Variants in PAG1 observed in about 807,000 individuals in gnomAD.
The protein encoded by PAG1 is phosphoprotein membrane anchor with glycosphingolipid microdomains 1.
In PAG1, 23 loss-of-function variants were observed where a neutral mutation model predicts 31.7. That is an observed-to-expected ratio of 0.73 (90% CI 0.52 to 1.03). The LOEUF (loss-of-function observed/expected upper bound fraction) is 1.03, where lower values mean the gene tolerates loss of function less well. Ranked by LOEUF, PAG1 falls within the 50% of genes least tolerant of loss-of-function variation. PAG1 has a pLI of 0.00. For missense variants in PAG1, 473 were observed against 540.7 expected (o/e 0.87, Z 1.24); for synonymous variants, 214 against 210.3 (o/e 1.02, Z -0.15).
intron 2 of PAG1, among the ~76,000 whole-genome samples, chr8:81,069,246 A>G (rs1809056352): frequency 6.6e-6 from 1 of 152,242 alleles, no homozygotes; most frequent in Non-Finnish European, 1.5e-5. Context: ...AGTTGAAGCA[A>G]AGATTTAATT....
intron 3 of PAG1, among the ~76,000 whole-genome samples, chr8:81,019,169 G>C (rs1808120241): frequency 6.6e-6 from 1 of 152,188 alleles, no homozygotes; most frequent in Non-Finnish European, 1.5e-5. Flanking sequence ...TCTGGTTGAA[G>C]AAATTTCTAA....
intron 3 of PAG1, among the ~76,000 whole-genome samples, chr8:81,003,275 G>A (rs376067440): frequency 2.0e-5 from 3 of 152,316 alleles, no homozygotes; most frequent in African/African-American, 7.2e-5. Flanking sequence ...TGGCAAGTCT[G>A]GAGCGGGGCT....
intron 3 of PAG1, among the ~76,000 whole-genome samples, chr8:81,011,210 T>C (rs889928801): frequency 6.6e-6 from 1 of 152,206 alleles, no homozygotes; most frequent in Non-Finnish European, 1.5e-5. Flanking sequence ...GGCACTGATA[T>C]GGTTTGGCTG....
intron 3 of PAG1, among the ~76,000 whole-genome samples, chr8:81,003,134 G>A (rs993839814): frequency 4.6e-5 from 7 of 152,184 alleles, no homozygotes; most frequent in Admixed American, 1.3e-4. Flanking sequence ...GGGGGTGGCG[G>A]GGCCCGGCAA....
At chr8:81,040,348 T>C (rs1025150109) in intron 2 of PAG1, among the ~76,000 whole-genome samples, 1 of 152,148 alleles carries the variant, frequency 6.6e-6, no homozygotes, top group Admixed American at 6.5e-5. Flanking sequence ...GCCACAAACA[T>C]AACCCAGGCC....
At chr8:81,001,534 C>T (rs542504254) in intron 3 of PAG1, among the ~76,000 whole-genome samples, 29 of 152,238 alleles carry the variant, frequency 1.9e-4, no homozygotes, top group Middle Eastern at 3.4e-3. Context: ...TGCATATAAT[C>T]CATTACTGTG....
At chr8:81,013,385 G>T (rs1808017590) in intron 3 of PAG1, among the ~76,000 whole-genome samples, 1 of 152,096 alleles carries the variant, frequency 6.6e-6, no homozygotes, top group South Asian at 2.1e-4. Flanking sequence ...TCTCTGCCTG[G>T]GTGTCCCCCA....
chr8:81,093,904 G>A (rs980882355), intron 1 of PAG1, among the ~76,000 whole-genome samples: 1 of 152,316 alleles, frequency 6.6e-6, no homozygotes, highest in African/African-American at 2.4e-5. Flanking sequence ...GGTCAATTCT[G>A]CAGGACGTAA....
chr8:81,011,855 G>A lies in PAG1; in HGVS notation c.-81+18141C>T, dbSNP rs61379534. Among the ~76,000 whole-genome samples, 1,013 of 152,284 alleles carry A rather than the reference G, an allele frequency of 6.7e-3. 10 individuals carry two copies. The highest frequency in any genetic ancestry group is 0.023 in the African/African-American group (948 of 41,564). ...ACCTCTGGCTGGCTCCAAGCTTCTG[G>A]TAGAGAGGGCTTCTCCATTTGCACA... On this transcript the variant is annotated intron_variant, in intron 3 of 8. Transcript: ENST00000220597.
intron 3 of PAG1, among the ~76,000 whole-genome samples, chr8:81,028,249 T>C (rs1259786597): frequency 6.6e-6 from 1 of 152,238 alleles, no homozygotes; most frequent in African/African-American, 2.4e-5. Flanking sequence ...GCTTTGAGCC[T>C]TTGCTTTTAC....
At chr8:81,099,582 T>C (rs1809579260) in intron 1 of PAG1, among the ~76,000 whole-genome samples, 1 of 152,178 alleles carries the variant, frequency 6.6e-6, no homozygotes, top group Non-Finnish European at 1.5e-5. Context: ...AGATAGAAAC[T>C]ACATTTTTAT....
Position 81,015,920 on chromosome 8 carries a change from G to A in PAG1, c.-81+14076C>T, listed in dbSNP as rs116582949. ...CTCATGGAGCTCATTGGAAGCAATG[G>A]TGTGTCAATGTTGAACCCAGCCCAC... On this transcript the variant is annotated intron_variant, in intron 3 of 8. Coordinates refer to ENST00000220597, the MANE Select transcript of PAG1 (RefSeq NM_018440.4). 6.4e-3 allele frequency among the ~76,000 whole-genome samples: 977 copies of A among 152,276 alleles called. 5 individuals are homozygous for A. Among genetic ancestry groups the A allele is most frequent in the African/African-American group, 0.023 (935 of 41,552 alleles).
intron 1 of PAG1, among the ~76,000 whole-genome samples, chr8:81,079,317 C>G (rs1809228298): frequency 6.6e-6 from 1 of 152,246 alleles, no homozygotes; most frequent in Non-Finnish European, 1.5e-5. Context: ...CAGTCATCTA[C>G]TCCTCGACTG....
At chr8:81,004,267 T>C (rs1454214095) in intron 3 of PAG1, among the ~76,000 whole-genome samples, 2 of 152,216 alleles carry the variant, frequency 1.3e-5, no homozygotes, top group African/African-American at 4.8e-5. Flanking sequence ...AATGGATCCA[T>C]TTAATTTCTA....
At chr8:81,097,796 C>T (rs1426478621) in intron 1 of PAG1, among the ~76,000 whole-genome samples, 3 of 152,060 alleles carry the variant, frequency 2.0e-5, no homozygotes, top group Non-Finnish European at 4.4e-5. Flanking sequence ...TCCAGAATTA[C>T]CACCTCACTC....
intron 2 of PAG1, among the ~76,000 whole-genome samples, chr8:81,047,665 C>T (rs1808663807): frequency 6.6e-6 from 1 of 152,200 alleles, no homozygotes; most frequent in South Asian, 2.1e-4. Flanking sequence ...TAAAAACTAT[C>T]TCAGAGCTAA....
At chr8:81,097,042 C>T (rs747757572) in intron 1 of PAG1, among the ~76,000 whole-genome samples, 43 of 152,220 alleles carry the variant, frequency 2.8e-4, no homozygotes, top group Non-Finnish European at 5.3e-4. Flanking sequence ...ACCCCTTCCA[C>T]AATTGCTCTC....
At chr8:80,987,845 T>C (rs1372803692) in intron 5 of PAG1, among the ~76,000 whole-genome samples, 2 of 152,248 alleles carry the variant, frequency 1.3e-5, no homozygotes, top group Admixed American at 1.3e-4. Flanking sequence ...TCTCACCTAT[T>C]TTTGGATTGT....
intron 2 of PAG1, among the ~76,000 whole-genome samples, chr8:81,045,151 A>G (rs1231823782): frequency 6.6e-6 from 1 of 152,184 alleles, no homozygotes; most frequent in Admixed American, 6.5e-5. Context: ...TATAACAACT[A>G]TAAGAAATGT....
Sources: gnomAD v4.1 joint callset for allele counts (sites outside exome capture counted in the v4.1 genomes callset) on GRCh38, gnomAD v4.1.1 for gene constraint, MANE v1.5 for transcripts, NCBI Gene and HGNC (gene_info 2026-07-23, HGNC 2026-07-21) for gene names.